The following TNNI3K variants were observed in gnomAD, a reference collection of about 807,000 sequenced individuals.
The protein encoded by TNNI3K is TNNI3 interacting kinase.
TNNI3K carries 140 observed loss-of-function variants against 114.5 expected under a neutral mutation model. The observed-to-expected ratio is 1.22, with a 90% confidence interval of 1.07 to 1.41. TNNI3K has a LOEUF of 1.41. TNNI3K is among the 40% of genes most tolerant of loss of function. The pLI is 0.00. For missense variants in TNNI3K, 1,125 were observed against 1,007.6 expected, an observed-to-expected ratio of 1.12 and a Z score of -1.58; for synonymous variants, 347 against 347.5, an observed-to-expected ratio of 1.00 and a Z score of 0.02.
intron 4 of TNNI3K, among the ~76,000 whole-genome samples, chr1:74,265,705 G>A (rs527659700): frequency 1.3e-5 from 2 of 152,136 alleles, no homozygotes; most frequent in African/African-American, 4.8e-5. Flanking sequence ...ATTATCTGAT[G>A]TAATCCTCAC....
chr1:74,243,689 G>A (rs1654384188), intron 2 of TNNI3K, among the ~76,000 whole-genome samples: 2 of 152,056 alleles, frequency 1.3e-5, no homozygotes, highest in East Asian at 3.8e-4. Context: ...AAAGGTAAAG[G>A]CTAGGAAAAG....
chr1:74,236,223 G>T lies in TNNI3K; in HGVS notation c.149+13G>T. On this transcript the variant is annotated intron_variant, in intron 2 of 24. Coordinates refer to ENST00000326637, the MANE Select transcript of TNNI3K (RefSeq NM_015978.3). ...GGAATATATTTGGGTAAAGTTGTAAGAGTCATTATTTCTTTGTATAAGTGT... is the reference window on the plus strand; with the variant it reads ...GGAATATATTTGGGTAAAGTTGTAATAGTCATTATTTCTTTGTATAAGTGT... The T allele has an allele frequency of 6.3e-7, 1 of 1,594,724 alleles. No individual in the cohort carries two copies. The highest frequency in any genetic ancestry group is 1.1e-5 in the South Asian group (1 of 89,024).
chr1:74,434,893 G>A (rs1666055999), intron 17 of TNNI3K, among the ~76,000 whole-genome samples: 1 of 152,048 alleles, frequency 6.6e-6, no homozygotes, highest in Non-Finnish European at 1.5e-5. Flanking sequence ...GTCAAGTCAA[G>A]GCGGGAAAGC....
chr1:74,396,301 GA>G (rs972052915), intron 17 of TNNI3K, among the ~76,000 whole-genome samples: 2 of 152,182 alleles, frequency 1.3e-5, no homozygotes, highest in Non-Finnish European at 2.9e-5. Flanking sequence ...GAGACATTGA[GA>G]ATTTCCCCGT....
At chr1:74,512,510 A>G (rs1171281131) in intron 23 of TNNI3K, 1 of 152,188 alleles carries the variant, frequency 6.6e-6, no homozygotes, top group Admixed American at 6.5e-5. Context: ...ACACCAAAAG[A>G]AAGAAATTAA....
chr1:74,499,724 AG>A, intron 23 of TNNI3K, among the ~76,000 whole-genome samples: 1 of 152,292 alleles, frequency 6.6e-6, no homozygotes, highest in Non-Finnish European at 1.5e-5. Flanking sequence ...TTAAGCCTAT[AG>A]GTCAATATGA....
intron 7 of TNNI3K, among the ~76,000 whole-genome samples, chr1:74,339,588 T>C (rs1660650535): frequency 6.6e-6 from 1 of 152,106 alleles, no homozygotes; most frequent in Non-Finnish European, 1.5e-5. Context: ...GGTAACAGAA[T>C]GTCACAAATG....
chr1:74,520,563 C>A (rs1339851197), intron 23 of TNNI3K, among the ~76,000 whole-genome samples: 1 of 151,796 alleles, frequency 6.6e-6, no homozygotes, highest in Non-Finnish European at 1.5e-5. Context: ...CTTTTCCTTC[C>A]TCCCTTTCCA....
chr1:74,367,955 A>C lies in TNNI3K; in HGVS notation c.1312A>C (p.Met438Leu). 1.3e-6 allele frequency: 2 copies of C among 1,567,098 alleles called. No homozygotes were observed. Among genetic ancestry groups the C allele is most frequent in the Non-Finnish European group, 8.6e-7 (1 of 1,161,938 alleles). The change falls in exon 13 of 25, where the codon ATG (methionine) becomes CTG (leucine). Residue 438 changes from methionine (M) to leucine (L), a missense_variant. Met to Leu is a conservative substitution (Grantham distance 15). Transcript: ENST00000326637. The part of the protein sequence containing the change: ...VPSPLGKIKS[M>L]TKEKADILLL... ...ATCACCCTTGGGGAAGATTAAAAGC[A>C]TGACAAAAGGTACCTATAATCTGGG...
intron 4 of TNNI3K, among the ~76,000 whole-genome samples, chr1:74,254,333 T>C (rs1413326787): frequency 2.0e-5 from 3 of 152,216 alleles, no homozygotes; most frequent in Non-Finnish European, 4.4e-5. Flanking sequence ...AATCTATAGT[T>C]CAAATTCAAG....
intron 17 of TNNI3K, among the ~76,000 whole-genome samples, chr1:74,409,804 A>G (rs1296253428): frequency 6.6e-6 from 1 of 151,888 alleles, no homozygotes; most frequent in Non-Finnish European, 1.5e-5. Flanking sequence ...TTTCTTTTAT[A>G]TTTATTATTA....
chr1:74,474,122 A>T (rs1277584438), intron 21 of TNNI3K, among the ~76,000 whole-genome samples: 1 of 152,150 alleles, frequency 6.6e-6, no homozygotes, highest in Non-Finnish European at 1.5e-5. Flanking sequence ...AAAACAACAG[A>T]CTGGGTTTTA....
intron 5 of TNNI3K, among the ~76,000 whole-genome samples, chr1:74,305,902 G>A (rs187343698): frequency 2.4e-4 from 37 of 151,834 alleles, no homozygotes; most frequent in African/African-American, 6.3e-4. Context: ...TTAGTTTCAG[G>A]GGGCACATGT....
chr1:74,282,213 C>T (rs964731521), intron 5 of TNNI3K, among the ~76,000 whole-genome samples: 7 of 151,956 alleles, frequency 4.6e-5, no homozygotes, highest in African/African-American at 1.2e-4. Context: ...CAGACATGTG[C>T]ACACACAGAG....
intron 16 of TNNI3K, 99 bp downstream of exon 16, chr1:74,369,684 A>G: frequency 7.5e-7 from 1 of 1,337,902 alleles, no homozygotes; most frequent in East Asian, 2.5e-5. Context: ...TCACCTTTTG[A>G]AATCTGAGTG....
chr1:74,391,954 A>ATTTTTT (rs1557539031), intron 17 of TNNI3K, among the ~76,000 whole-genome samples: 4 of 93,256 alleles, frequency 4.3e-5, no homozygotes, highest in African/African-American at 2.3e-4. Context: ...GGTACAGCTT[A>ATTTTTT]TTATTTTTTT....
At chr1:74,533,641 A>G (rs1292436023) in intron 23 of TNNI3K, among the ~76,000 whole-genome samples, 1 of 152,072 alleles carries the variant, frequency 6.6e-6, no homozygotes, top group Non-Finnish European at 1.5e-5. Context: ...TATTCACAAT[A>G]GCAAAGACTT....
At chr1:74,308,711 G>A (rs981708930) in intron 5 of TNNI3K, among the ~76,000 whole-genome samples, 1 of 152,026 alleles carries the variant, frequency 6.6e-6, no homozygotes, top group Non-Finnish European at 1.5e-5. Context: ...TCAATGAAAT[G>A]AAAAATTGGC....
intron 23 of TNNI3K, among the ~76,000 whole-genome samples, chr1:74,536,973 A>G (rs1490680181): frequency 3.3e-5 from 5 of 152,158 alleles, no homozygotes; most frequent in Admixed American, 6.5e-5. Context: ...AGCTAGTTCC[A>G]TTGATCAGGG....
Sources: allele counts gnomAD v4.1 joint callset (sites outside exome capture counted in the v4.1 genomes callset), GRCh38; gene constraint gnomAD v4.1.1; transcripts MANE v1.5; gene names NCBI Gene and HGNC (gene_info 2026-07-23, HGNC 2026-07-21).